NOL9: variants seen among roughly 807,000 people sequenced by gnomAD.
NOL9 encodes nucleolar protein 9, also known as polynucleotide 5'-hydroxyl-kinase NOL9.
Under a neutral mutation model 67.9 loss-of-function variants are expected in NOL9, and 28 were observed. The ratio of observed to expected loss-of-function variants is 0.41; its 90% CI spans 0.31 to 0.57. The LOEUF (loss-of-function observed/expected upper bound fraction) is 0.57. NOL9 is among the 20% of genes least tolerant of loss of function. The pLI, the probability that NOL9 is intolerant of heterozygous loss-of-function variation, is 0.25. For synonymous variants in NOL9, 356 were observed against 352.2 expected (o/e 1.01, Z -0.12); for missense variants, 777 against 897.0 (o/e 0.87, Z 1.71).
intron 3 of NOL9, chr1:6,548,138 CT>C (rs201835857): frequency 0.021 from 2,108 of 101,686 alleles, 3 homozygotes; most frequent in Non-Finnish European, 0.025. Context: ...ACTTAAAGTT[CT>C]TTTTTTTTTT....
At chr1:6,526,251 C>T (rs1638881583) in intron 11 of NOL9, among the ~76,000 whole-genome samples, 1 of 152,166 alleles carries the variant, frequency 6.6e-6, no homozygotes, top group South Asian at 2.1e-4. Flanking sequence ...AGTGGGGGTG[C>T]AGTGTGCGTC....
chr1:6,532,117 AC>A, intron 8 of NOL9, 38 bp from the exon 9 acceptor site: 1 of 1,493,126 alleles, frequency 6.7e-7, no homozygotes. Context: ...TAGACATTTA[AC>A]CCTCAACGGC....
intron 9 of NOL9, 83 bp from the exon 10 acceptor site, chr1:6,529,254 C>T (rs1638963945): frequency 7.7e-7 from 1 of 1,294,456 alleles, no homozygotes; most frequent in Non-Finnish European, 1.1e-6. Flanking sequence ...AACCAGCTAT[C>T]TAAAGATAGG....
chr1:6,526,029 T>C (rs200703562), intron 11 of NOL9, 26 bp from the exon 12 acceptor site: 11 of 1,609,108 alleles, frequency 6.8e-6, no homozygotes, highest in African/African-American at 6.7e-5. Context: ...AGAGAATGCA[T>C]GGAAACACTC....
chr1:6,529,857 C>T (rs192957401), intron 9 of NOL9, among the ~76,000 whole-genome samples: 6 of 152,056 alleles, frequency 3.9e-5, no homozygotes, highest in Admixed American at 2.0e-4. Context: ...ACCCAGGAGG[C>T]GGAGGTTGCA....
chr1:6,530,876 G>A (rs1035948998), intron 9 of NOL9, among the ~76,000 whole-genome samples: 1 of 152,238 alleles, frequency 6.6e-6, no homozygotes, highest in Non-Finnish European at 1.5e-5. Flanking sequence ...ACAGACCTGG[G>A]CTCAGAGTCG....
At chr1:6,548,138 C>CT (rs201835857) in intron 3 of NOL9, 4,025 of 101,622 alleles carry the variant, frequency 0.04, 86 homozygotes, top group Non-Finnish European at 0.048. Context: ...ACTTAAAGTT[C>CT]TTTTTTTTTT....
At chr1:6,542,222 A>G (rs4262565) in intron 5 of NOL9, among the ~76,000 whole-genome samples, 147,125 of 150,244 alleles carry the variant, frequency 0.98, 72,128 homozygotes, top group East Asian at 1. Context: ...GCTGCAGTGC[A>G]CAATCTCGGC....
At chr1:6,552,955 G>A (rs1370582635) in intron 1 of NOL9, among the ~76,000 whole-genome samples, 1 of 152,164 alleles carries the variant, frequency 6.6e-6, no homozygotes, top group Admixed American at 6.5e-5. Context: ...GGGATTACAG[G>A]CGTGTGCTAC....
At chr1:6,549,012 G>T (rs1639482742) in intron 3 of NOL9, among the ~76,000 whole-genome samples, 3 of 152,080 alleles carry the variant, frequency 2.0e-5, no homozygotes, top group African/African-American at 7.2e-5. Context: ...ATCCCGGGAG[G>T]CAGAGGGTGC....
chr1:6,534,330 T>C (rs1396187619), intron 6 of NOL9, among the ~76,000 whole-genome samples: 1 of 152,216 alleles, frequency 6.6e-6, no homozygotes, highest in African/African-American at 2.4e-5. Flanking sequence ...GGCCGGCTCC[T>C]GCGTTCACAC....
rs535094934 is a variant in NOL9 at position 6,523,988 on chromosome 1, G to C, written c.*1866C>G. 1 of 152,204 alleles carries C rather than the reference G, an allele frequency of 6.6e-6. No individual in the cohort carries two copies. Among genetic ancestry groups the C allele is most frequent in the Non-Finnish European group, 1.5e-5 (1 of 68,042 alleles). The allele number at this position is 152,204 out of a possible 1,614,324, so 9.4% of individuals were successfully genotyped here. A position where few individuals can be genotyped will look rare whatever the true frequency, so the allele number is the denominator to read the frequency against. ...CAGTGAGTATAACTGTAAGATACAC[G>C]AAAGTGGAGAAAGGCAAAACATTGA... On this transcript the variant is annotated 3_prime_UTR_variant, in exon 12 of 12. Coordinates refer to ENST00000377705, the MANE Select transcript of NOL9 (RefSeq NM_024654.5).
At chr1:6,539,550 T>C (rs541031877) in intron 6 of NOL9, among the ~76,000 whole-genome samples, 3 of 152,322 alleles carry the variant, frequency 2.0e-5, no homozygotes, top group African/African-American at 7.2e-5. Flanking sequence ...AATGGTGCAA[T>C]TTCAGCTCAC....
At chr1:6,527,258 A>T (rs1029464829) in intron 10 of NOL9, among the ~76,000 whole-genome samples, 1 of 51,238 alleles carries the variant, frequency 2.0e-5, no homozygotes, top group Non-Finnish European at 6.9e-5. Flanking sequence ...AAAAAAAAAA[A>T]AATACAAAGA....
chr1:6,527,750 G>C (rs1638922897), intron 10 of NOL9, among the ~76,000 whole-genome samples: 2 of 152,082 alleles, frequency 1.3e-5, no homozygotes, highest in South Asian at 4.1e-4. Flanking sequence ...TGACCAACGT[G>C]GTGAAACCCC....
rs750670976 is a variant in NOL9 at position 6,554,474 on chromosome 1, C to A, written c.29G>T (p.Arg10Leu). Residue 10 changes from arginine (R) to leucine (L), a missense_variant, in exon 1 of 12, where the codon CGG becomes CTG. Physicochemically the swap from Arg to Leu is moderately radical, Grantham distance 102. This residue lies in a region of NOL9 where 364 missense variants were observed against 344.4 expected (regional missense o/e 1.06). Coordinates refer to ENST00000377705, the MANE Select transcript of NOL9 (RefSeq NM_024654.5). Reference sequence around the variant, plus strand: ...CAGCCAAGTGGAACGGCAGGAACCCCGCTTTAGCAGCAGTCCCGAGTCCGC... The same window carrying A: ...CAGCCAAGTGGAACGGCAGGAACCCAGCTTTAGCAGCAGTCCCGAGTCCGC... Reference protein sequence around the residue: MADSGLLLKRGSCRSTWLRV... With the variant: MADSGLLLKLGSCRSTWLRV... 1.9e-6 allele frequency: 3 copies of A among 1,550,118 alleles called. No homozygotes were observed. Among genetic ancestry groups the A allele is most frequent in the East Asian group, 2.6e-5 (1 of 38,078 alleles).
At position 6,525,727 on chromosome 1, in the gene NOL9, C is replaced by A. The variant is rs560226187; in HGVS notation, c.*127G>T. 1.0e-6 allele frequency: 1 copy of A among 960,704 alleles called. No individual in the cohort carries two copies. Among genetic ancestry groups the A allele is most frequent in the Admixed American group, 2.2e-5 (1 of 45,908 alleles). The allele number at this position is 960,704 out of a possible 1,614,324, so 59.5% of individuals were successfully genotyped here. On this transcript the variant is annotated 3_prime_UTR_variant, in exon 12 of 12. Coordinates refer to ENST00000377705, the MANE Select transcript of NOL9 (RefSeq NM_024654.5). Reference sequence around the variant, plus strand: ...ACTACTATATGACATTCACGAATTACACAAAAAACACTGTTGCTAATAAGG... The same window carrying A: ...ACTACTATATGACATTCACGAATTAAACAAAAAACACTGTTGCTAATAAGG...
intron 3 of NOL9, 107 bp from the exon 4 acceptor site, chr1:6,545,287 T>G: frequency 8.4e-7 from 1 of 1,187,824 alleles, no homozygotes; most frequent in Non-Finnish European, 1.2e-6. Context: ...ATAAATTGTT[T>G]CCTCCCTTTG....
intron 5 of NOL9, among the ~76,000 whole-genome samples, chr1:6,542,997 A>T (rs759652454): frequency 1.3e-5 from 2 of 151,604 alleles, no homozygotes; most frequent in Non-Finnish European, 2.9e-5. Context: ...GGGCTCAAGC[A>T]ATACTCCCTC....
Sources: allele counts gnomAD v4.1 joint callset (sites outside exome capture counted in the v4.1 genomes callset), GRCh38; gene constraint gnomAD v4.1.1; regional missense constraint gnomAD v4.1.1; transcripts MANE v1.5; gene names NCBI Gene and HGNC (gene_info 2026-07-23, HGNC 2026-07-21).